Variants in MTMR8 observed in about 807,000 individuals in gnomAD.
MTMR8 encodes the protein phosphatidylinositol-3,5-bisphosphate 3-phosphatase MTMR8.
Under a neutral mutation model 39.3 loss-of-function variants are expected in MTMR8, and 65 were observed. The ratio of observed to expected loss-of-function variants is 1.65; its 90% CI spans 1.35 to 2.03. The LOEUF is 2.03. MTMR8 is among the 30% of genes most tolerant of loss of function. The pLI, the probability that MTMR8 is intolerant of heterozygous loss-of-function variation, is 0.00. For missense variants in MTMR8, 777 were observed against 538.9 expected (o/e 1.44, Z -4.37); for synonymous variants, 245 against 185.2 (o/e 1.32, Z -2.62).
intron 12 of MTMR8, among the ~76,000 whole-genome samples, chrX:64,314,340 C>A (rs761116876): frequency 8.9e-6 from 1 of 112,741 alleles, no homozygotes; most frequent in Non-Finnish European, 1.9e-5. Context: ...AGCATGCCTG[C>A]CTCCATGCAG....
intron 1 of MTMR8, among the ~76,000 whole-genome samples, chrX:64,364,189 G>A (rs943966920): frequency 8.9e-6 from 1 of 112,596 alleles, no homozygotes; most frequent in Non-Finnish European, 1.9e-5. Context: ...AGCAGAAACT[G>A]CTGCAGACTT....
At chrX:64,353,026 C>T (rs1387729114) in intron 4 of MTMR8, among the ~76,000 whole-genome samples, 1 of 111,657 alleles carries the variant, frequency 9.0e-6, no homozygotes, top group Non-Finnish European at 1.9e-5. Context: ...TCTCCCCCTG[C>T]ATAAATTAGG....
chrX:64,357,743 C>T (rs1034165170), intron 2 of MTMR8, among the ~76,000 whole-genome samples: 2 of 111,944 alleles, frequency 1.8e-5, no homozygotes, highest in African/African-American at 3.2e-5. Flanking sequence ...TTGTCACACT[C>T]AAGTCCTGCA....
chrX:64,295,200 G>T (rs773874404), intron 12 of MTMR8, among the ~76,000 whole-genome samples: 1 of 109,750 alleles, frequency 9.1e-6, no homozygotes, highest in Non-Finnish European at 1.9e-5. Flanking sequence ...TGGCTCTCCC[G>T]TAAGTGCACC....
chrX:64,290,152 G>C (rs989467282), intron 12 of MTMR8, among the ~76,000 whole-genome samples: 5 of 110,362 alleles, frequency 4.5e-5, no homozygotes, highest in African/African-American at 1.6e-4. Context: ...CCTAAAAATG[G>C]TCAAGAAGGT....
At chrX:64,350,331 C>T (rs1226080779) in intron 4 of MTMR8, among the ~76,000 whole-genome samples, 2 of 110,129 alleles carry the variant, frequency 1.8e-5, no homozygotes, top group Non-Finnish European at 3.8e-5. Context: ...CCTCCTCTAC[C>T]TGTCTGCTTC....
At chrX:64,370,201 A>T (rs909363199) in intron 1 of MTMR8, among the ~76,000 whole-genome samples, 5 of 111,179 alleles carry the variant, frequency 4.5e-5, no homozygotes, top group African/African-American at 1.6e-4. Context: ...CAAACTAAAA[A>T]GCCATCTTTC....
rs781725117 is a variant in MTMR8 at position 64,364,464 on chromosome X, C to G, written c.25-4937G>C. On this transcript the variant is annotated intron_variant, in intron 1 of 13. Coordinates refer to ENST00000374852, the MANE Select transcript of MTMR8 (RefSeq NM_017677.4). Reference sequence around the variant, plus strand: ...GCAGCCTCCACTGGTGATACCCAGGCAAACAGGGTCTGGAGTGGACCGCCA... The same window carrying G: ...GCAGCCTCCACTGGTGATACCCAGGGAAACAGGGTCTGGAGTGGACCGCCA... Among the ~76,000 whole-genome samples, 14 of 112,027 alleles carry G rather than the reference C, an allele frequency of 1.2e-4. No individual in the cohort carries two copies. The South Asian group carries it at 4.5e-3, about 36-fold the overall frequency.
intron 9 of MTMR8, 28 bp from the exon 10 acceptor site, chrX:64,336,156 G>A: frequency 9.1e-7 from 1 of 1,093,647 alleles, no homozygotes. Flanking sequence ...GAAAGTGTTT[G>A]CATTAGGAAA....
chrX:64,379,985 A>T (rs6524879), intron 1 of MTMR8, among the ~76,000 whole-genome samples: 26,711 of 110,932 alleles, frequency 0.24, 7,589 homozygotes, highest in African/African-American at 0.82. Flanking sequence ...CCAATCCCCA[A>T]TAATGATAAA....
rs146298929 is a variant in MTMR8, at chrX:64,343,901, G to A, written c.866-181C>T. ...GGTCTAAAGCCTACCAGATCTCCTC[G>A]CCTGGGCCTCTGCTTTATCATGCTG... On this transcript the variant is annotated intron_variant, in intron 7 of 13. Transcript: ENST00000374852. Among the ~76,000 whole-genome samples, 845 of 111,368 alleles carry A rather than the reference G, an allele frequency of 7.6e-3. 11 individuals carry two copies. Among genetic ancestry groups the A allele is most frequent in the African/African-American group, 0.026 (788 of 30,610 alleles).
chrX:64,304,907 T>TATATATATAC (rs1416066091), intron 12 of MTMR8: 2 of 72,405 alleles, frequency 2.8e-5, no homozygotes, highest in Non-Finnish European at 5.5e-5. Context: ...TATATATATA[T>TATATATATAC]ACACATACAT....
At chrX:64,317,582 T>A (rs774779688) in intron 12 of MTMR8, among the ~76,000 whole-genome samples, 6 of 112,277 alleles carry the variant, frequency 5.3e-5, no homozygotes, top group Non-Finnish European at 1.1e-4. Context: ...ACTTTTTTCA[T>A]TTGTTTCAAT....
chrX:64,312,134 G>A (rs1449463395), intron 12 of MTMR8, among the ~76,000 whole-genome samples: 2 of 111,612 alleles, frequency 1.8e-5, no homozygotes, highest in Admixed American at 1.9e-4. Context: ...TCCTACCCAT[G>A]AGCATGGAAT....
intron 10 of MTMR8, among the ~76,000 whole-genome samples, chrX:64,332,724 T>C (rs969569046): frequency 8.9e-6 from 1 of 111,904 alleles, no homozygotes; most frequent in Non-Finnish European, 1.9e-5. Flanking sequence ...TGTAGATGAC[T>C]TACACTAGCT....
At chrX:64,319,268 C>A (rs1311732796) in intron 12 of MTMR8, among the ~76,000 whole-genome samples, 4 of 112,212 alleles carry the variant, frequency 3.6e-5, no homozygotes, top group African/African-American at 1.3e-4. Context: ...ACACCAACTA[C>A]AAAAACCAGG....
chrX:64,335,132 C>T (rs1291610407), intron 10 of MTMR8, among the ~76,000 whole-genome samples: 1 of 109,450 alleles, frequency 9.1e-6, no homozygotes. Flanking sequence ...GGGTAAAACT[C>T]AATTTTTTTT....
chrX:64,321,602 C>T (rs1421951615), intron 12 of MTMR8, among the ~76,000 whole-genome samples: 2 of 111,135 alleles, frequency 1.8e-5, no homozygotes, highest in Non-Finnish European at 3.8e-5. Flanking sequence ...GTAAGCAGAC[C>T]AATAAGTGCA....
intron 12 of MTMR8, among the ~76,000 whole-genome samples, chrX:64,327,458 C>T (rs1270858571): frequency 8.9e-6 from 1 of 111,747 alleles, no homozygotes; most frequent in Non-Finnish European, 1.9e-5. Context: ...CACGAAAATG[C>T]AAATCAAAAC....
Sources: gnomAD v4.1 joint callset for allele counts (sites outside exome capture counted in the v4.1 genomes callset) on GRCh38, gnomAD v4.1.1 for gene constraint, MANE v1.5 for transcripts, NCBI Gene and HGNC (gene_info 2026-07-23, HGNC 2026-07-21) for gene names.